Variants in BRINP1 observed in about 807,000 individuals in gnomAD.
The protein encoded by BRINP1 is BMP/retinoic acid inducible neural specific 1.
Under a neutral mutation model 72.9 loss-of-function variants are expected in BRINP1, and 17 were observed. The ratio of observed to expected loss-of-function variants is 0.23; its 90% CI spans 0.16 to 0.35. The LOEUF (loss-of-function observed/expected upper bound fraction) is 0.35, where lower values mean the gene tolerates loss of function less well. Ranked by LOEUF, BRINP1 falls within the 10% of genes least tolerant of loss-of-function variation. The pLI is 1.00. For missense variants in BRINP1, 850 were observed against 1,001.6 expected (o/e 0.85, Z 2.04); for synonymous variants, 418 against 378.5 (o/e 1.10, Z -1.21).
intron 7 of BRINP1, among the ~76,000 whole-genome samples, chr9:119,189,885 A>C (rs1449148900): frequency 6.6e-6 from 1 of 152,096 alleles, no homozygotes; most frequent in Non-Finnish European, 1.5e-5. Flanking sequence ...TTTCTAGAGC[A>C]CATGGTACAT....
chr9:119,291,147 A>G (rs1166313952), intron 2 of BRINP1, among the ~76,000 whole-genome samples: 1 of 152,056 alleles, frequency 6.6e-6, no homozygotes, highest in African/African-American at 2.4e-5. Flanking sequence ...AAAATTAGAA[A>G]AAGTTGCTCC....
intron 1 of BRINP1, among the ~76,000 whole-genome samples, chr9:119,351,641 T>C (rs1831508682): frequency 6.6e-6 from 1 of 152,132 alleles, no homozygotes; most frequent in East Asian, 1.9e-4. Context: ...ATATCACTTG[T>C]ACCCTCTTGA....
chr9:119,328,448 A>C (rs1028169883), intron 1 of BRINP1, among the ~76,000 whole-genome samples: 1 of 152,172 alleles, frequency 6.6e-6, no homozygotes, highest in Non-Finnish European at 1.5e-5. Context: ...GAGTCAATGG[A>C]AGATTTTTTG....
intron 2 of BRINP1, among the ~76,000 whole-genome samples, chr9:119,303,631 C>A (rs955030381): frequency 6.6e-6 from 1 of 152,094 alleles, no homozygotes; most frequent in Non-Finnish European, 1.5e-5. Context: ...CTGTCTCTGG[C>A]GCTCTTTCTT....
At chr9:119,239,408 A>G (rs1830224730) in intron 4 of BRINP1, among the ~76,000 whole-genome samples, 1 of 152,260 alleles carries the variant, frequency 6.6e-6, no homozygotes, top group Non-Finnish European at 1.5e-5. Flanking sequence ...GTGCATTTCC[A>G]AAACATTGTC....
intron 7 of BRINP1, among the ~76,000 whole-genome samples, chr9:119,194,607 C>G (rs920759482): frequency 6.6e-6 from 1 of 152,198 alleles, no homozygotes; most frequent in Non-Finnish European, 1.5e-5. Context: ...CTCCATGCAT[C>G]TTTATTCTTT....
At chr9:119,172,240 A>T (rs1319853881) in intron 7 of BRINP1, among the ~76,000 whole-genome samples, 4 of 152,232 alleles carry the variant, frequency 2.6e-5, no homozygotes, top group African/African-American at 4.8e-5. Flanking sequence ...TACTAGCAAG[A>T]CTCATAAAGA....
At chr9:119,179,334 TA>T (rs1829526478) in intron 7 of BRINP1, among the ~76,000 whole-genome samples, 1 of 152,160 alleles carries the variant, frequency 6.6e-6, no homozygotes. Context: ...TTCATTCTGA[TA>T]GGGGGCTGAG....
chr9:119,318,683 C>CA (rs1321668289), intron 1 of BRINP1, among the ~76,000 whole-genome samples: 2 of 152,134 alleles, frequency 1.3e-5, no homozygotes, highest in Non-Finnish European at 2.9e-5. Flanking sequence ...CACAGTGTGT[C>CA]ACCCACACAG....
chr9:119,200,857 A>G (rs1363046232), intron 7 of BRINP1, among the ~76,000 whole-genome samples: 1 of 151,948 alleles, frequency 6.6e-6, no homozygotes, highest in Non-Finnish European at 1.5e-5. Context: ...AAAGAAAAAA[A>G]AGGAAGCACA....
intron 5 of BRINP1, among the ~76,000 whole-genome samples, chr9:119,217,573 G>GT (rs1829991178): frequency 6.6e-6 from 1 of 150,778 alleles, no homozygotes. Flanking sequence ...ATGTTTCACT[G>GT]TTCTGCAGAG....
At chr9:119,172,225 T>C (rs1829421605) in intron 7 of BRINP1, among the ~76,000 whole-genome samples, 1 of 152,052 alleles carries the variant, frequency 6.6e-6, no homozygotes, top group Non-Finnish European at 1.5e-5. Flanking sequence ...ACAAAATTGA[T>C]AGACTACTAG....
At chr9:119,268,821 GC>G (rs1234563604) in intron 2 of BRINP1, among the ~76,000 whole-genome samples, 2 of 152,140 alleles carry the variant, frequency 1.3e-5, no homozygotes, top group African/African-American at 4.8e-5. Context: ...TATTTGTTGA[GC>G]ACATAAGAAA....
intron 1 of BRINP1, among the ~76,000 whole-genome samples, chr9:119,361,248 GA>G (rs201078869): frequency 4.3e-4 from 65 of 149,724 alleles, no homozygotes; most frequent in Middle Eastern, 3.4e-3. Context: ...ACCCTCATAT[GA>G]AAAAAAAAAT....
At chr9:119,339,487 C>G (rs1831386636) in intron 1 of BRINP1, among the ~76,000 whole-genome samples, 1 of 152,230 alleles carries the variant, frequency 6.6e-6, no homozygotes, top group South Asian at 2.1e-4. Context: ...CGTATATCAT[C>G]AATTCCTAGA....
rs555511635 is a variant in BRINP1 at position 119,169,475 on chromosome 9, G to A, written c.1146-1251C>T. Among the ~76,000 whole-genome samples the A allele has an allele frequency of 2.0e-5, 3 of 152,348 alleles. No individual in the cohort carries two copies. In the South Asian group the frequency reaches 6.2e-4, roughly 32 times the overall value. ...TTATATTACCGCACCTGGCTCGGAG[G>A]GTCCTACGCCCACAGAGTCTCGCTG... On this transcript the variant is annotated intron_variant, in intron 7 of 7. Coordinates refer to ENST00000265922, the MANE Select transcript of BRINP1 (RefSeq NM_014618.3).
At chr9:119,350,976 T>C (rs1461491550) in intron 1 of BRINP1, among the ~76,000 whole-genome samples, 2 of 152,066 alleles carry the variant, frequency 1.3e-5, no homozygotes, top group East Asian at 1.9e-4. Flanking sequence ...GGTATACATA[T>C]GCCATGGTAG....
chr9:119,242,979 C>T (rs200040056), intron 3 of BRINP1, among the ~76,000 whole-genome samples: 1 of 146,942 alleles, frequency 6.8e-6, no homozygotes. Flanking sequence ...TTTCTTTTTT[C>T]TTTTTTTTTT....
chr9:119,167,877 C>G lies in BRINP1; in HGVS notation c.1493G>C (p.Arg498Pro). 2 of 1,614,168 alleles carry G rather than the reference C, an allele frequency of 1.2e-6. No homozygotes were observed. The highest frequency in any genetic ancestry group is 1.7e-6 in the Non-Finnish European group (2 of 1,180,030). ...GATGAAGGTGGTGTGGACGTAGAGG[C>G]GTGAGTCCATCTTCTGCAGCAGGTA... Reference protein sequence around the residue: ...LKYLLQKMDSRLYVHTTFISN... With the variant: ...LKYLLQKMDSPLYVHTTFISN... The change falls in exon 8 of 8, where the codon CGC becomes CCC. Residue 498 changes from arginine to proline, a missense_variant. By Grantham distance (103) the Arg-to-Pro change is moderately radical. Coordinates refer to ENST00000265922, the MANE Select transcript of BRINP1 (RefSeq NM_014618.3). This position sits in a 1 kb window ranked among gnomAD's most constrained non-coding sequence, Gnocchi z 4.3.
Sources: gnomAD v4.1 joint callset for allele counts (sites outside exome capture counted in the v4.1 genomes callset) on GRCh38, gnomAD v4.1.1 for gene constraint, Gnocchi (gnomAD v3.1) non-coding constraint, MANE v1.5 for transcripts, NCBI Gene and HGNC (gene_info 2026-07-23, HGNC 2026-07-21) for gene names.